TMCC1: variants seen among roughly 807,000 people sequenced by gnomAD.
TMCC1 encodes the protein transmembrane and coiled-coil domain family 1.
Under a neutral mutation model 52.4 loss-of-function variants are expected in TMCC1, and 15 were observed. The observed-to-expected ratio is 0.29, with a 90% CI of 0.19 to 0.44. The LOEUF is 0.44. Among genes scored for constraint, TMCC1 ranks in the 20% least tolerant of loss-of-function variants. The probability of loss-of-function intolerance (pLI) is 1.00; values close to 1 mark genes in which losing one functional copy is unlikely to be tolerated. For missense variants in TMCC1, 503 were observed against 806.0 expected (o/e 0.62, Z 4.55); for synonymous variants, 279 against 301.9 (o/e 0.92, Z 0.79).
chr3:129,753,765 G>A (rs992558588), intron 4 of TMCC1, among the ~76,000 whole-genome samples: 3 of 152,110 alleles, frequency 2.0e-5, no homozygotes, highest in African/African-American at 7.2e-5. Context: ...GAGAATGAAT[G>A]CTTTCCCTTG....
chr3:129,728,649 C>T (rs1432164691), intron 4 of TMCC1, among the ~76,000 whole-genome samples: 1 of 152,140 alleles, frequency 6.6e-6, no homozygotes, highest in African/African-American at 2.4e-5. Context: ...GTGTACAGTT[C>T]TATGAATTTT....
chr3:129,730,461 C>T (rs1367919503), intron 4 of TMCC1, among the ~76,000 whole-genome samples: 2 of 152,200 alleles, frequency 1.3e-5, no homozygotes, highest in East Asian at 1.9e-4. Flanking sequence ...TATGAACTGG[C>T]AATATTTACG....
At chr3:129,715,066 A>C (rs1275915933) in intron 4 of TMCC1, among the ~76,000 whole-genome samples, 1 of 152,198 alleles carries the variant, frequency 6.6e-6, no homozygotes, top group African/African-American at 2.4e-5. Context: ...TTAGGTATTG[A>C]AGATGCACAC....
chr3:129,699,668 G>C (rs967128613), intron 4 of TMCC1, among the ~76,000 whole-genome samples: 1 of 152,190 alleles, frequency 6.6e-6, no homozygotes, highest in Non-Finnish European at 1.5e-5. Context: ...TTGGGGTCTG[G>C]ATTGGGACCC....
intron 5 of TMCC1, among the ~76,000 whole-genome samples, chr3:129,655,468 A>G (rs1236418692): frequency 6.6e-6 from 1 of 152,172 alleles, no homozygotes; most frequent in Non-Finnish European, 1.5e-5. Flanking sequence ...AGCCTCATGA[A>G]AAGATAACAC....
At chr3:129,715,033 C>A (rs2107578083) in intron 4 of TMCC1, among the ~76,000 whole-genome samples, 1 of 152,208 alleles carries the variant, frequency 6.6e-6, no homozygotes, top group Non-Finnish European at 1.5e-5. Context: ...AGTATATCTG[C>A]CCAGTAGAGG....
chr3:129,780,955 T>A (rs1339853695), intron 4 of TMCC1, among the ~76,000 whole-genome samples: 1 of 152,118 alleles, frequency 6.6e-6, no homozygotes, highest in Non-Finnish European at 1.5e-5. Context: ...ATTTAGTTCC[T>A]CTACCACATA....
intron 2 of TMCC1, among the ~76,000 whole-genome samples, chr3:129,876,569 G>C (rs1455236273): frequency 1.3e-5 from 2 of 152,046 alleles, no homozygotes; most frequent in Non-Finnish European, 1.5e-5. Context: ...TGAGGCAGGA[G>C]GATTGCTTGA....
Position 129,652,182 on chromosome 3 carries a change from A to G in TMCC1, c.1648-387T>C, listed in dbSNP as rs74876804. ...ATAGTCTCTCTTGACATTTCCTTCA[A>G]TTCCAATCCCTGTCCCTGAGGCAGT... is the stretch of plus-strand genomic sequence containing the variant. On this transcript the variant is annotated intron_variant, in intron 6 of 6. Coordinates refer to ENST00000393238, the MANE Select transcript of TMCC1 (RefSeq NM_001017395.5). 2.0e-4 allele frequency among the ~76,000 whole-genome samples: 30 copies of G among 152,328 alleles called. No homozygotes were observed. The East Asian group carries it at 5.8e-3, about 29-fold the overall frequency.
At chr3:129,831,819 T>C (rs1364782705) in intron 3 of TMCC1, among the ~76,000 whole-genome samples, 1 of 152,198 alleles carries the variant, frequency 6.6e-6, no homozygotes, top group Non-Finnish European at 1.5e-5. Flanking sequence ...CAAATGAATA[T>C]GAACAACTGT....
At chr3:129,756,186 C>A (rs111852930) in intron 4 of TMCC1, among the ~76,000 whole-genome samples, 13 of 151,928 alleles carry the variant, frequency 8.6e-5, no homozygotes, top group African/African-American at 3.1e-4. Context: ...ATCATATGAT[C>A]TAGCCATCAA....
Position 129,651,533 on chromosome 3 carries a change from T to C in TMCC1, c.1910A>G (p.His637Arg). 1 of 1,614,156 alleles carries C rather than the reference T, an allele frequency of 6.2e-7. No homozygotes were observed. The highest frequency in any genetic ancestry group is 8.5e-7 in the Non-Finnish European group (1 of 1,180,038). ...LVVFIAFLWK[H>R]WDALFSYVER... ...CACATAGCTGAAGAGGGCGTCCCAG[T>C]GCTTCCAGAGAAAGGCAATAAAAAC... Residue 637 changes from histidine to arginine, a missense_variant, in exon 7 of 7, where the codon CAC becomes CGC. Physicochemically the swap from His to Arg is conservative, Grantham distance 29. Around this residue, in one of 7 missense-constraint regions of TMCC1, gnomAD observed 50 missense variants for 62.6 expected, o/e 0.80. Transcript: ENST00000393238. This position sits in a 1 kb window ranked among gnomAD's most constrained non-coding sequence, Gnocchi z 5.1.
intron 4 of TMCC1, among the ~76,000 whole-genome samples, chr3:129,730,243 T>C (rs932239007): frequency 6.6e-6 from 1 of 152,158 alleles, no homozygotes; most frequent in South Asian, 2.1e-4. Context: ...ATTCTCTCGA[T>C]AGCATCTTTC....
At chr3:129,891,049 G>T (rs1231503998) in intron 1 of TMCC1, among the ~76,000 whole-genome samples, 1 of 152,190 alleles carries the variant, frequency 6.6e-6, no homozygotes, top group African/African-American at 2.4e-5. Context: ...GTTCAACACT[G>T]GAAAACAAGA....
chr3:129,682,020 A>G (rs2089035240), intron 4 of TMCC1, among the ~76,000 whole-genome samples: 2 of 152,154 alleles, frequency 1.3e-5, no homozygotes, highest in Non-Finnish European at 1.5e-5. Context: ...CCATGCACAT[A>G]TAAAACACAT....
intron 4 of TMCC1, among the ~76,000 whole-genome samples, chr3:129,827,477 AAAC>A (rs1326176936): frequency 4.6e-5 from 7 of 152,360 alleles, no homozygotes; most frequent in Non-Finnish European, 8.8e-5. Context: ...TGCAAAATCA[AAAC>A]AATAAGAAAC....
intron 2 of TMCC1, among the ~76,000 whole-genome samples, chr3:129,875,659 C>T (rs1018741980): frequency 6.6e-6 from 1 of 152,088 alleles, no homozygotes; most frequent in Non-Finnish European, 1.5e-5. Flanking sequence ...CCAACACCTA[C>T]AACAGGGCCA....
At chr3:129,695,144 C>T (rs905009989) in intron 4 of TMCC1, among the ~76,000 whole-genome samples, 35 of 118,674 alleles carry the variant, frequency 2.9e-4, no homozygotes, top group African/African-American at 9.7e-4. Flanking sequence ...TAATAATAAC[C>T]TTTGAAAATT....
At chr3:129,676,037 A>C (rs1485301495) in intron 4 of TMCC1, among the ~76,000 whole-genome samples, 2 of 97,388 alleles carry the variant, frequency 2.1e-5, no homozygotes, top group East Asian at 2.2e-4. Context: ...ACTCTGTCTC[A>C]AAAAAAAAAA....
Sources: allele counts gnomAD v4.1 joint callset (sites outside exome capture counted in the v4.1 genomes callset), GRCh38; gene constraint gnomAD v4.1.1; regional missense constraint gnomAD v4.1.1; non-coding constraint Gnocchi (gnomAD v3.1); transcripts MANE v1.5; gene names NCBI Gene and HGNC (gene_info 2026-07-23, HGNC 2026-07-21).